Variants in ADGRL2 observed in about 807,000 individuals in gnomAD.
ADGRL2 encodes the protein adhesion G protein-coupled receptor L2.
ADGRL2 carries 44 observed loss-of-function variants against 157.4 expected under a neutral mutation model. The observed-to-expected ratio is 0.28, with a 90% CI of 0.22 to 0.36. ADGRL2 has a LOEUF of 0.36. ADGRL2 is among the 10% of genes least tolerant of loss of function. The pLI is 1.00. For synonymous variants in ADGRL2, 585 were observed against 624.7 expected (o/e 0.94, Z 0.95); for missense variants, 1,510 against 1,768.9 (o/e 0.85, Z 2.63).
intron 1 of ADGRL2, among the ~76,000 whole-genome samples, chr1:81,373,053 G>A (rs897866562): frequency 6.6e-6 from 1 of 152,082 alleles, no homozygotes; most frequent in Non-Finnish European, 1.5e-5. Flanking sequence ...TTCAACAAGT[G>A]CCATGGTCAT....
intron 2 of ADGRL2, among the ~76,000 whole-genome samples, chr1:81,901,633 T>TACAAATTCTA (rs1234718210): frequency 5.0e-4 from 76 of 152,146 alleles, no homozygotes; most frequent in African/African-American, 1.8e-3. Context: ...AGATCATTAA[T>TACAAATTCTA]GTGATACAAA....
At chr1:81,610,233 T>TC (rs1341257903) in intron 3 of ADGRL2, among the ~76,000 whole-genome samples, 2 of 150,578 alleles carry the variant, frequency 1.3e-5, no homozygotes, top group Non-Finnish European at 3.0e-5. Flanking sequence ...TTGGAGGTTT[T>TC]TTTTTTTTTT....
At chr1:81,671,141 GC>G (rs1268139921) in intron 3 of ADGRL2, among the ~76,000 whole-genome samples, 1 of 152,166 alleles carries the variant, frequency 6.6e-6, no homozygotes, top group Non-Finnish European at 1.5e-5. Flanking sequence ...AGGAGAAGGG[GC>G]CTCCCAAGTA....
chr1:81,677,011 A>C (rs914481706), intron 3 of ADGRL2, among the ~76,000 whole-genome samples: 2 of 126,796 alleles, frequency 1.6e-5, no homozygotes, highest in African/African-American at 6.1e-5. Context: ...TTTTTTTCAG[A>C]GTTTCGCTCT....
At chr1:81,797,729 G>A (rs571436014), upstream of ADGRL2, among the ~76,000 whole-genome samples, 7 of 152,124 alleles carry the variant, frequency 4.6e-5, no homozygotes, top group African/African-American at 2.4e-5. Context: ...CATAACGTCT[G>A]TACCAGAAAT....
intron 3 of ADGRL2, among the ~76,000 whole-genome samples, chr1:81,646,721 C>T (rs1402138042): frequency 6.6e-6 from 1 of 152,158 alleles, no homozygotes; most frequent in Non-Finnish European, 1.5e-5. Flanking sequence ...AGAGGTCTTC[C>T]TATTTTTTCA....
chr1:81,370,033 C>T (rs1191440800), intron 1 of ADGRL2, among the ~76,000 whole-genome samples: 1 of 152,096 alleles, frequency 6.6e-6, no homozygotes. Context: ...AGAAGTTCCT[C>T]TCTGTGTTAG....
intron 1 of ADGRL2, among the ~76,000 whole-genome samples, chr1:81,760,620 C>A (rs2085845280): frequency 6.6e-6 from 1 of 151,532 alleles, no homozygotes; most frequent in Non-Finnish European, 1.5e-5. Flanking sequence ...CCCTTTAGTT[C>A]TTAAAAAAAG....
At chr1:81,613,552 G>A (rs2148677817) in intron 3 of ADGRL2, among the ~76,000 whole-genome samples, 1 of 152,186 alleles carries the variant, frequency 6.6e-6, no homozygotes, top group African/African-American at 2.4e-5. Flanking sequence ...AATGAAGAGT[G>A]CAGGGCAGAC....
chr1:81,945,205 A>G (rs561915990), intron 6 of ADGRL2, among the ~76,000 whole-genome samples: 192 of 152,118 alleles, frequency 1.3e-3, no homozygotes, highest in African/African-American at 4.4e-3. Flanking sequence ...TGTTTCATCT[A>G]TTTCAATTGT....
intron 1 of ADGRL2, among the ~76,000 whole-genome samples, chr1:81,740,095 G>C (rs2085025214): frequency 6.6e-6 from 1 of 152,200 alleles, no homozygotes; most frequent in South Asian, 2.1e-4. Context: ...AGGGTTGGCT[G>C]AACTCACTTG....
At chr1:81,549,992 T>G (rs1362069315) in intron 2 of ADGRL2, among the ~76,000 whole-genome samples, 1 of 152,166 alleles carries the variant, frequency 6.6e-6, no homozygotes, top group African/African-American at 2.4e-5. Context: ...ATTTGATAAA[T>G]GAGCCCTTGA....
At chr1:81,854,478 A>G (rs148772731) in intron 2 of ADGRL2, among the ~76,000 whole-genome samples, 1 of 152,172 alleles carries the variant, frequency 6.6e-6, no homozygotes, top group Non-Finnish European at 1.5e-5. Flanking sequence ...AACCTGTACA[A>G]GTTATTTAAC....
intron 1 of ADGRL2, among the ~76,000 whole-genome samples, chr1:81,812,302 T>G: frequency 6.6e-6 from 1 of 151,948 alleles, no homozygotes; most frequent in East Asian, 1.9e-4. Context: ...AAATATTTTT[T>G]ATTTTTGTTT....
chr1:81,479,316 T>C (rs1185166597), intron 2 of ADGRL2, among the ~76,000 whole-genome samples: 2 of 136,690 alleles, frequency 1.5e-5, no homozygotes, highest in Admixed American at 1.5e-4. Context: ...CTACTAAAAA[T>C]ACAAAAAAAA....
chr1:81,825,702 G>A (rs1482119824), intron 1 of ADGRL2, among the ~76,000 whole-genome samples: 1 of 144,462 alleles, frequency 6.9e-6, no homozygotes, highest in Admixed American at 7.1e-5. Flanking sequence ...GTTGTGCTAA[G>A]TTAGAGTGAA....
chr1:81,898,164 G>A (rs184851145), intron 2 of ADGRL2, among the ~76,000 whole-genome samples: 163 of 152,174 alleles, frequency 1.1e-3, no homozygotes, highest in Non-Finnish European at 1.8e-3. Context: ...TAAAACTAAG[G>A]CATATCACTT....
chr1:81,579,317 G>A (rs2080859110), intron 2 of ADGRL2: 1 of 152,084 alleles, frequency 6.6e-6, no homozygotes, highest in Non-Finnish European at 1.5e-5. Flanking sequence ...ATCACTGTTT[G>A]GCAATACGAG....
chr1:81,421,414 C>T (rs997530786), intron 1 of ADGRL2, among the ~76,000 whole-genome samples: 2 of 152,162 alleles, frequency 1.3e-5, no homozygotes, highest in Admixed American at 1.3e-4. Context: ...ACCCTTTCAT[C>T]GACTTGCATT....
Sources: allele counts gnomAD v4.1 joint callset (sites outside exome capture counted in the v4.1 genomes callset), GRCh38; gene constraint gnomAD v4.1.1; transcripts MANE v1.5; gene names NCBI Gene and HGNC (gene_info 2026-07-23, HGNC 2026-07-21).